The following PCDHAC1 variants were observed in gnomAD, a reference collection of about 807,000 sequenced individuals.
PCDHAC1 encodes the protein protocadherin alpha subfamily C, 1.
In PCDHAC1, 42 loss-of-function variants were observed where a neutral mutation model predicts 60.0. The ratio of observed to expected loss-of-function variants is 0.70; its 90% CI spans 0.55 to 0.90. The LOEUF (loss-of-function observed/expected upper bound fraction) is 0.90. PCDHAC1 is among the 40% of genes least tolerant of loss of function. The pLI is 0.00. For missense variants in PCDHAC1, 1,160 were observed against 1,222.3 expected, an observed-to-expected ratio of 0.95 and a Z score of 0.76; for synonymous variants, 468 against 499.3, an observed-to-expected ratio of 0.94 and a Z score of 0.84.
At chr5:140,931,260 T>C (rs576177407) in intron 1 of PCDHAC1, among the ~76,000 whole-genome samples, 104 of 152,274 alleles carry the variant, frequency 6.8e-4, no homozygotes, top group East Asian at 3.1e-3. Flanking sequence ...GAAATTTCAC[T>C]ATTTATTTCT....
intron 1 of PCDHAC1, among the ~76,000 whole-genome samples, chr5:140,976,461 G>A (rs935204153): frequency 1.3e-5 from 2 of 152,120 alleles, no homozygotes; most frequent in African/African-American, 4.8e-5. Flanking sequence ...TGGGGAAGAA[G>A]AATTGCTTGA....
chr5:140,938,797 G>A (rs76361474), intron 1 of PCDHAC1, among the ~76,000 whole-genome samples: 2 of 151,926 alleles, frequency 1.3e-5, no homozygotes, highest in East Asian at 1.9e-4. Flanking sequence ...TGAAATAATC[G>A]GTACCACAAA....
intron 1 of PCDHAC1, among the ~76,000 whole-genome samples, chr5:140,937,039 CTTT>C (rs34994034): frequency 1.4e-5 from 2 of 140,152 alleles, no homozygotes; most frequent in African/African-American, 5.3e-5. Flanking sequence ...TTCCATTTAT[CTTT>C]TTTTTTTTTT....
chr5:140,999,550 G>A (rs1250301883), intron 3 of PCDHAC1, among the ~76,000 whole-genome samples: 2 of 152,120 alleles, frequency 1.3e-5, no homozygotes, highest in African/African-American at 4.8e-5. Context: ...CCAATGAAGA[G>A]GGGGTATTTT....
chr5:140,929,207 G>C lies in PCDHAC1; in HGVS notation c.2315G>C (p.Arg772Pro), dbSNP rs782298445. The C allele has an allele frequency of 1.2e-6, 2 of 1,613,988 alleles. No homozygotes were observed. Among genetic ancestry groups the C allele is most frequent in the Admixed American group, 1.7e-5 (1 of 59,990 alleles). Residue 772 changes from arginine (R) to proline (P), a missense_variant, in exon 1 of 4, where the codon CGT becomes CCT. This residue lies in a region of PCDHAC1 where 1,113 missense variants were observed against 1,163.7 expected (regional missense o/e 0.96). Transcript: ENST00000253807. ...LGSDNNSLLL[R>P]GEYNAADLRN... ...TCTGATAATAACAGTTTGCTGTTGCGTGGGGAGTACAATGCTGCCGACCTG... is the reference window on the plus strand; with the variant it reads ...TCTGATAATAACAGTTTGCTGTTGCCTGGGGAGTACAATGCTGCCGACCTG...
rs1554262551 is a variant in PCDHAC1, at chr5:141,009,910, C to T, written c.2865C>T (p.Asn955=). 1 of 1,612,616 alleles carries T rather than the reference C, an allele frequency of 6.2e-7. No individual in the cohort carries two copies. Among genetic ancestry groups the T allele is most frequent in the Middle Eastern group, 1.7e-4 (1 of 6,048 alleles). Residue 955 remains asparagine (N), a synonymous_variant, in exon 4 of 4, where the codon AAC becomes AAT. Transcript: ENST00000253807. ...NKTQEKKEKG[N]STTDNSDQ Reference sequence around the variant, plus strand: ...CCCAGGAGAAAAAAGAGAAAGGGAACAGCACGACTGACAACAGTGACCAGT... The same window carrying T: ...CCCAGGAGAAAAAAGAGAAAGGGAATAGCACGACTGACAACAGTGACCAGT...
chr5:140,967,903 A>G, intron 1 of PCDHAC1: 1 of 1,614,112 alleles, frequency 6.2e-7, no homozygotes, highest in African/African-American at 1.3e-5. Context: ...AGAATGCTAC[A>G]CCCAACACCA....
In PCDHAC1 at chr5:140,927,412, G is replaced by T. The variant is rs781968521; in HGVS notation, c.520G>T (p.Gly174Ter). Residue 174 changes from glycine (G) to a stop codon, truncating the protein, a stop_gained, in exon 1 of 4, where the codon GGA (glycine) becomes TGA (stop). Transcript: ENST00000253807. LOFTEE classifies it high-confidence loss of function. ...CAGTCAGCACTTTCGCCTGGACATG[G>T]GATCGCGGGTTGACGGCAGCGAATA... is the stretch of plus-strand genomic sequence containing the variant. Reference protein sequence around the residue: ...SPSQHFRLDMGSRVDGSEYPE... With the variant: ...SPSQHFRLDM The T allele has an allele frequency of 6.2e-7, 1 of 1,614,122 alleles. No individual in the cohort carries two copies. The highest frequency in any genetic ancestry group is 2.2e-5 in the East Asian group (1 of 44,864).
chr5:140,960,467 C>A (rs1554224775), intron 1 of PCDHAC1, among the ~76,000 whole-genome samples: 1 of 152,010 alleles, frequency 6.6e-6, no homozygotes, highest in Non-Finnish European at 1.5e-5. Context: ...GAGAAGTAAT[C>A]CTTCTTACAC....
At chr5:140,999,345 C>A (rs2097854633) in intron 3 of PCDHAC1, among the ~76,000 whole-genome samples, 1 of 152,178 alleles carries the variant, frequency 6.6e-6, no homozygotes, top group Non-Finnish European at 1.5e-5. Flanking sequence ...TAAGCCTTGT[C>A]TCTTTTTAAT....
chr5:141,009,576 T>C (rs2098411921), intron 3 of PCDHAC1, 51 bp from the exon 4 acceptor site: 1 of 1,583,566 alleles, frequency 6.3e-7, no homozygotes. Flanking sequence ...CAGTGTGGCA[T>C]CAAGAGCATG....
chr5:141,003,258 G>T (rs1029666608), intron 3 of PCDHAC1, among the ~76,000 whole-genome samples: 1 of 152,240 alleles, frequency 6.6e-6, no homozygotes, highest in Admixed American at 6.5e-5. Flanking sequence ...TTCCTGGGCA[G>T]TGCCTAAGGG....
Position 140,928,082 on chromosome 5 carries a change from T to G in PCDHAC1, c.1190T>G (p.Leu397Arg). 1 of 1,614,212 alleles carries G rather than the reference T, an allele frequency of 6.2e-7. No homozygotes were observed. Among genetic ancestry groups the G allele is most frequent in the Non-Finnish European group, 8.5e-7 (1 of 1,180,042 alleles). ...GCTTCCTTTGACAACTACTACAGCC[T>G]GCTGATTGATGGGCCCCTGGACCGG... ...LTASFDNYYS[L>R]LIDGPLDREQ... The change falls in exon 1 of 4, where the codon CTG becomes CGG. Residue 397 changes from leucine to arginine, a missense_variant. By Grantham distance (102) the Leu-to-Arg change is moderately radical. Around this residue, in one of 3 missense-constraint regions of PCDHAC1, gnomAD observed 1,113 missense variants for 1,163.7 expected, o/e 0.96. Transcript: ENST00000253807.
chr5:140,959,413 T>G (rs1328731924), intron 1 of PCDHAC1, among the ~76,000 whole-genome samples: 1 of 152,152 alleles, frequency 6.6e-6, no homozygotes, highest in Admixed American at 6.6e-5. Context: ...TGTTGATTGA[T>G]CTGAGAATTT....
intron 1 of PCDHAC1, among the ~76,000 whole-genome samples, chr5:140,950,457 A>C (rs1392302571): frequency 6.6e-6 from 1 of 152,048 alleles, no homozygotes; most frequent in Non-Finnish European, 1.5e-5. Flanking sequence ...ACTGTCTTCT[A>C]ATGCTCATAG....
intron 3 of PCDHAC1, among the ~76,000 whole-genome samples, chr5:140,996,644 A>G (rs2097736322): frequency 6.6e-6 from 1 of 152,144 alleles, no homozygotes; most frequent in Non-Finnish European, 1.5e-5. Flanking sequence ...TATGTAGTTA[A>G]TCCTGGGTGC....
At position 140,927,806 on chromosome 5, in the gene PCDHAC1, T is replaced by C. The variant is rs1554205074; in HGVS notation, c.914T>C (p.Leu305Pro). 4 of 1,614,004 alleles carry C rather than the reference T, an allele frequency of 2.5e-6. No individual in the cohort carries two copies. In the African/African-American group the frequency reaches 5.3e-5, roughly 22 times the overall value. Residue 305 changes from leucine (L) to proline (P), a missense_variant, in exon 1 of 4, where the codon CTC becomes CCC. Transcript: ENST00000253807. ...VAASLGPPET[L>P]LEAYIEARDE... ...GCTTCACTAGGTCCGCCTGAAACGC[T>C]CTTGGAGGCATACATTGAGGCGAGG...
intron 1 of PCDHAC1, among the ~76,000 whole-genome samples, chr5:140,974,729 G>C (rs1007565470): frequency 2.6e-5 from 4 of 152,032 alleles, no homozygotes; most frequent in African/African-American, 9.7e-5. Flanking sequence ...TCGAACTCCT[G>C]TCTCCACCTT....
chr5:140,993,293 A>T (rs1445204823), intron 3 of PCDHAC1, among the ~76,000 whole-genome samples: 1 of 152,062 alleles, frequency 6.6e-6, no homozygotes, highest in Non-Finnish European at 1.5e-5. Context: ...CAGGGTCACA[A>T]CCTTGCCTCC....
Sources: gnomAD v4.1 joint callset for allele counts (sites outside exome capture counted in the v4.1 genomes callset) on GRCh38, gnomAD v4.1.1 for gene constraint, gnomAD v4.1.1 regional missense constraint, MANE v1.5 for transcripts, NCBI Gene and HGNC (gene_info 2026-07-23, HGNC 2026-07-21) for gene names.